The following TENM3 variants were observed in gnomAD, a reference collection of about 807,000 sequenced individuals.
TENM3 encodes teneurin-3.
A neutral mutation model predicts 255.1 loss-of-function variants in TENM3; 63 were observed. The ratio of observed to expected loss-of-function variants is 0.25; its 90% CI spans 0.20 to 0.30. TENM3 has a LOEUF of 0.30. Among genes scored for constraint, TENM3 ranks in the 10% least tolerant of loss-of-function variants. The pLI is 1.00. For synonymous variants in TENM3, 1,306 were observed against 1,322.3 expected, an observed-to-expected ratio of 0.99 and a Z score of 0.27; for missense variants, 2,929 against 3,461.1, an observed-to-expected ratio of 0.85 and a Z score of 3.86.
intron 19 of TENM3, among the ~76,000 whole-genome samples, chr4:182,745,939 CCTT>C (rs1466201178): frequency 6.6e-6 from 1 of 152,144 alleles, no homozygotes; most frequent in East Asian, 1.9e-4. Context: ...CCTCCATAAT[CCTT>C]CTCCTCTGTC....
intron 1 of TENM3, among the ~76,000 whole-genome samples, chr4:182,146,265 A>G (rs1472202511): frequency 2.6e-5 from 4 of 152,216 alleles, no homozygotes; most frequent in Non-Finnish European, 4.4e-5. Context: ...TCGAGCATGT[A>G]TATCTTAATA....
At chr4:182,430,408 C>T (rs547903402) in intron 3 of TENM3, among the ~76,000 whole-genome samples, 1 of 152,024 alleles carries the variant, frequency 6.6e-6, no homozygotes, top group East Asian at 1.9e-4. Context: ...ATTAGCTGGG[C>T]GTGGTGGCAG....
chr4:182,497,340 G>C (rs1009073251), intron 3 of TENM3, among the ~76,000 whole-genome samples: 1 of 151,840 alleles, frequency 6.6e-6, no homozygotes, highest in Non-Finnish European at 1.5e-5. Context: ...CGTGAGCCAC[G>C]GCACCCGGCC....
intron 3 of TENM3, among the ~76,000 whole-genome samples, chr4:182,527,330 G>A (rs1385832049): frequency 1.3e-5 from 2 of 152,048 alleles, no homozygotes; most frequent in African/African-American, 2.4e-5. Context: ...AAATTATGAC[G>A]CGGTTGTCAC....
chr4:182,027,616 A>G, the TENM3 span, among the ~76,000 whole-genome samples: 1 of 151,028 alleles, frequency 6.6e-6, no homozygotes, highest in African/African-American at 2.4e-5. Flanking sequence ...GGTGTGTCAT[A>G]TATGGCTTTT....
intron 12 of TENM3, among the ~76,000 whole-genome samples, chr4:182,691,791 T>G (rs1757029229): frequency 6.6e-6 from 1 of 152,190 alleles, no homozygotes. Context: ...CATTCATGAT[T>G]ATTAGACCCT....
chr4:181,740,543 TA>T, the TENM3 span, among the ~76,000 whole-genome samples: 1 of 151,942 alleles, frequency 6.6e-6, no homozygotes, highest in South Asian at 2.1e-4. Flanking sequence ...ACAAGAAAGA[TA>T]AGTGATACAA....
intron 6 of TENM3, among the ~76,000 whole-genome samples, chr4:182,666,121 C>T (rs4608845): frequency 0.2 from 29,714 of 152,030 alleles, 3,214 homozygotes; most frequent in African/African-American, 0.28. Context: ...GAAGATGTGA[C>T]AATTGCTGCA....
At chr4:182,543,081 C>G (rs1042285353) in intron 3 of TENM3, among the ~76,000 whole-genome samples, 1 of 152,102 alleles carries the variant, frequency 6.6e-6, no homozygotes, top group Non-Finnish European at 1.5e-5. Context: ...TGTGATTGAC[C>G]TATATCTTTC....
intron 1 of TENM3, among the ~76,000 whole-genome samples, chr4:182,236,955 G>A (rs1756934102): frequency 6.6e-6 from 1 of 152,142 alleles, no homozygotes; most frequent in East Asian, 1.9e-4. Context: ...TAGGTATTAA[G>A]CCTGGCATAC....
chr4:181,988,008 T>G, the TENM3 span, among the ~76,000 whole-genome samples: 1 of 151,784 alleles, frequency 6.6e-6, no homozygotes, highest in African/African-American at 2.4e-5. Flanking sequence ...GGGTAGGGGG[T>G]TAAATAAGGA....
the TENM3 span, among the ~76,000 whole-genome samples, chr4:181,900,786 C>T: frequency 2.0e-5 from 3 of 152,178 alleles, no homozygotes; most frequent in Admixed American, 1.3e-4. Context: ...CTTCCTTTCC[C>T]CCGGAGCACA....
the TENM3 span, among the ~76,000 whole-genome samples, chr4:181,641,280 A>G: frequency 6.6e-6 from 1 of 151,440 alleles, no homozygotes; most frequent in East Asian, 2.0e-4. Flanking sequence ...TGTTTGCTGC[A>G]CCCATCAACC....
the TENM3 span, among the ~76,000 whole-genome samples, chr4:181,586,293 G>A: frequency 2.6e-5 from 4 of 152,148 alleles, no homozygotes; most frequent in African/African-American, 4.8e-5. Flanking sequence ...TTGAAGGAAC[G>A]TCTTCAGAGA....
the TENM3 span, among the ~76,000 whole-genome samples, chr4:181,562,222 G>GT: frequency 0.03 from 4,446 of 149,802 alleles, 84 homozygotes; most frequent in South Asian, 0.084. Flanking sequence ...TATCTATTAC[G>GT]TTTTTTTTTA....
chr4:182,358,997 TTC>T (rs1478214431), intron 3 of TENM3, among the ~76,000 whole-genome samples: 2 of 151,704 alleles, frequency 1.3e-5, no homozygotes, highest in Non-Finnish European at 2.9e-5. Context: ...TTGTCTTTGG[TTC>T]TGTTTATATG....
rs1018430853 is a variant in TENM3 at position 182,799,541 on chromosome 4, A to T, written c.7345-55A>T. On this transcript the variant is annotated intron_variant, in intron 27 of 27. Coordinates refer to ENST00000511685, the MANE Select transcript of TENM3 (RefSeq NM_001080477.4). This position sits in a 1 kb window ranked among gnomAD's most constrained non-coding sequence, Gnocchi z 4.2. ...CCCAGAGTCCCGTGTGTGGGTCAGGAGTGGGGAGGCTCCCGGCCGCCTCTG... is the reference window on the plus strand; with the variant it reads ...CCCAGAGTCCCGTGTGTGGGTCAGGTGTGGGGAGGCTCCCGGCCGCCTCTG... 1 of 1,518,216 alleles carries T rather than the reference A, an allele frequency of 6.6e-7. No individual in the cohort carries two copies. The highest frequency in any genetic ancestry group is 8.8e-7 in the Non-Finnish European group (1 of 1,141,776). The allele number at this position is 1,518,216 out of a possible 1,614,324, so 94.0% of individuals were successfully genotyped here.
At chr4:182,494,475 C>T (rs1396696975) in intron 3 of TENM3, among the ~76,000 whole-genome samples, 1 of 152,134 alleles carries the variant, frequency 6.6e-6, no homozygotes, top group Non-Finnish European at 1.5e-5. Context: ...TCAAACCTTT[C>T]CTAGGTGTAT....
At position 182,755,107 on chromosome 4, in the gene TENM3, T is replaced by C. The variant is rs2152754594; in HGVS notation, c.4740T>C (p.Pro1580=). The change falls in exon 22 of 28, where the codon CCT becomes CCC. Residue 1580 remains proline (P), a synonymous_variant. Coordinates refer to ENST00000511685, the MANE Select transcript of TENM3 (RefSeq NM_001080477.4). ...PNRMPVRVVS[P]DNQVIWLTIG... ...GCATGCCAGTTCGAGTGGTGTCTCCTGATAACCAAGTGATATGGTTGACAA... is the reference window on the plus strand; with the variant it reads ...GCATGCCAGTTCGAGTGGTGTCTCCCGATAACCAAGTGATATGGTTGACAA... The C allele has an allele frequency of 6.2e-7, 1 of 1,614,054 alleles. No individual in the cohort carries two copies. Among genetic ancestry groups the C allele is most frequent in the South Asian group, 1.1e-5 (1 of 91,084 alleles).
Sources: gnomAD v4.1 joint callset for allele counts (sites outside exome capture counted in the v4.1 genomes callset) on GRCh38, gnomAD v4.1.1 for gene constraint, Gnocchi (gnomAD v3.1) non-coding constraint, MANE v1.5 for transcripts, NCBI Gene and HGNC (gene_info 2026-07-23, HGNC 2026-07-21) for gene names.